The following PPP1R9A variants were observed in gnomAD, a reference collection of about 807,000 sequenced individuals.
The protein encoded by PPP1R9A is protein phosphatase 1 regulatory subunit 9A, also known as neurabin-1.
In PPP1R9A, 59 loss-of-function variants were observed where a neutral mutation model predicts 141.9. The observed-to-expected ratio is 0.42, with a 90% CI of 0.34 to 0.52. The LOEUF (loss-of-function observed/expected upper bound fraction) is 0.52, where lower values mean the gene tolerates loss of function less well. Ranked by LOEUF, PPP1R9A falls within the 20% of genes least tolerant of loss-of-function variation. The pLI is 0.10. For missense variants in PPP1R9A, 1,444 were observed against 1,611.9 expected, an observed-to-expected ratio of 0.90 and a Z score of 1.78; for synonymous variants, 500 against 569.7, an observed-to-expected ratio of 0.88 and a Z score of 1.74.
At chr7:94,972,690 G>C (rs533846614) in intron 2 of PPP1R9A, among the ~76,000 whole-genome samples, 1 of 152,052 alleles carries the variant, frequency 6.6e-6, no homozygotes, top group Non-Finnish European at 1.5e-5. Flanking sequence ...ATGAATGGCC[G>C]ATTAAGTAGA....
At chr7:95,216,709 A>G (rs1270970819) in intron 7 of PPP1R9A, among the ~76,000 whole-genome samples, 1 of 151,938 alleles carries the variant, frequency 6.6e-6, no homozygotes, top group Non-Finnish European at 1.5e-5. Flanking sequence ...ATTCCTAGGT[A>G]TTTTATTCTC....
intron 2 of PPP1R9A, among the ~76,000 whole-genome samples, chr7:95,043,895 C>G (rs1257305855): frequency 1.3e-5 from 2 of 152,166 alleles, no homozygotes; most frequent in Admixed American, 6.5e-5. Flanking sequence ...TACTCTGATT[C>G]TTCCAGTTCT....
intron 4 of PPP1R9A, among the ~76,000 whole-genome samples, chr7:95,121,936 A>G (rs1822687835): frequency 6.6e-6 from 1 of 152,196 alleles, no homozygotes. Flanking sequence ...TCAACATATA[A>G]CATTCAAACC....
At chr7:95,260,369 G>A (rs544597193) in intron 12 of PPP1R9A, among the ~76,000 whole-genome samples, 29 of 152,216 alleles carry the variant, frequency 1.9e-4, no homozygotes, top group African/African-American at 6.5e-4. Flanking sequence ...GTCATACTGA[G>A]TTATAAAATA....
intron 2 of PPP1R9A, among the ~76,000 whole-genome samples, chr7:94,971,212 T>TG (rs1334325324): frequency 6.6e-6 from 1 of 152,164 alleles, no homozygotes; most frequent in African/African-American, 2.4e-5. Flanking sequence ...AGCCTCCCAC[T>TG]GGGGGTCAGG....
chr7:94,981,380 C>T (rs938948746), intron 2 of PPP1R9A, among the ~76,000 whole-genome samples: 5 of 152,124 alleles, frequency 3.3e-5, no homozygotes, highest in Admixed American at 2.6e-4. Context: ...GCTGAGACTA[C>T]AGGAGTGCGC....
intron 2 of PPP1R9A, among the ~76,000 whole-genome samples, chr7:94,945,932 G>T (rs1005015881): frequency 4.6e-5 from 7 of 151,852 alleles, no homozygotes; most frequent in African/African-American, 1.5e-4. Context: ...TTCATCTTCA[G>T]ATAACTAATA....
At chr7:95,006,899 G>C (rs1406093820) in intron 2 of PPP1R9A, among the ~76,000 whole-genome samples, 1 of 149,960 alleles carries the variant, frequency 6.7e-6, no homozygotes, top group South Asian at 2.1e-4. Context: ...TTTCGCGCTT[G>C]TTGCCCAGGC....
intron 8 of PPP1R9A, among the ~76,000 whole-genome samples, chr7:95,241,522 GT>G (rs1305605257): frequency 6.6e-6 from 1 of 152,020 alleles, no homozygotes. Flanking sequence ...TTGATTGTGA[GT>G]TTTTTTGTTT....
intron 2 of PPP1R9A, among the ~76,000 whole-genome samples, chr7:94,959,649 T>C (rs898699698): frequency 1.3e-5 from 2 of 151,696 alleles, no homozygotes; most frequent in African/African-American, 4.8e-5. Context: ...AATACTATGT[T>C]TAGTGCTAAT....
intron 2 of PPP1R9A, among the ~76,000 whole-genome samples, chr7:95,000,389 T>C (rs2151512533): frequency 6.6e-6 from 1 of 152,318 alleles, no homozygotes; most frequent in Admixed American, 6.5e-5. Flanking sequence ...ACACATATGT[T>C]TACATCTCTA....
rs185415403 is a variant in PPP1R9A at position 95,134,022 on chromosome 7, G to A, written c.1649+13190G>A. Among the ~76,000 whole-genome samples, 72 of 152,172 alleles carry A rather than the reference G, an allele frequency of 4.7e-4. 2 individuals carry two copies. The East Asian group carries it at 0.013, about 27-fold the overall frequency. On this transcript the variant is annotated intron_variant, in intron 4 of 19. Transcript: ENST00000433360. ...TTTTAAATGCTTTAAAAACATATAT[G>A]TTTATTGCAGCACTATTTACAATAG...
chr7:95,155,387 C>T (rs538247129), intron 4 of PPP1R9A: 3 of 152,216 alleles, frequency 2.0e-5, no homozygotes, highest in South Asian at 2.1e-4. Flanking sequence ...GATGAGGTCT[C>T]GCTATGTTGC....
chr7:95,291,978 TTC>T lies in PPP1R9A; in HGVS notation c.*1677_*1678del, dbSNP rs1202213048. On this transcript the variant is annotated 3_prime_UTR_variant, in exon 20 of 20. Transcript: ENST00000433360. ...AATTATCTAAACTGGACATTTTTAA[TTC>T]TGTTTTACCCCCAAGGCCTGTTTTC... 4 of 152,328 alleles carry T rather than the reference TTC, an allele frequency of 2.6e-5. No individual in the cohort carries two copies. Among genetic ancestry groups the T allele is most frequent in the South Asian group, 4.1e-4 (2 of 4,830 alleles). 9.4% of individuals were successfully genotyped at this position (152,328 alleles called of 1,614,324 possible).
intron 2 of PPP1R9A, among the ~76,000 whole-genome samples, chr7:95,002,524 G>A (rs905951511): frequency 6.6e-6 from 1 of 152,172 alleles, no homozygotes; most frequent in East Asian, 1.9e-4. Flanking sequence ...TCCTTTTAGG[G>A]AGGTGAGGAG....
chr7:95,233,228 A>T (rs1176162181), intron 8 of PPP1R9A, among the ~76,000 whole-genome samples: 1 of 152,206 alleles, frequency 6.6e-6, no homozygotes, highest in Non-Finnish European at 1.5e-5. Context: ...AGGGACATGG[A>T]TGAAGCTGGA....
intron 5 of PPP1R9A, among the ~76,000 whole-genome samples, chr7:95,174,053 G>A (rs1057416737): frequency 6.6e-6 from 1 of 152,030 alleles, no homozygotes; most frequent in Admixed American, 6.6e-5. Flanking sequence ...TTTATATAAA[G>A]ACTCATATTT....
chr7:95,216,513 A>T (rs369007156), intron 7 of PPP1R9A, among the ~76,000 whole-genome samples: 1 of 152,106 alleles, frequency 6.6e-6, no homozygotes, highest in African/African-American at 2.4e-5. Flanking sequence ...AAAGTCATTG[A>T]TAGCTTGATG....
intron 2 of PPP1R9A, among the ~76,000 whole-genome samples, chr7:95,104,402 T>A (rs1042327144): frequency 1.3e-5 from 2 of 152,218 alleles, no homozygotes; most frequent in African/African-American, 4.8e-5. Context: ...TTTTATGAGA[T>A]AGGCCTATGA....
Sources: allele counts gnomAD v4.1 joint callset (sites outside exome capture counted in the v4.1 genomes callset), GRCh38; gene constraint gnomAD v4.1.1; transcripts MANE v1.5; gene names NCBI Gene and HGNC (gene_info 2026-07-23, HGNC 2026-07-21).